Variants in VWA3B observed in about 807,000 individuals in gnomAD.
The protein encoded by VWA3B is von Willebrand factor A domain-containing protein 3B.
VWA3B carries 138 observed loss-of-function variants against 158.3 expected under a neutral mutation model. The observed-to-expected ratio is 0.87, with a 90% confidence interval of 0.76 to 1.00. The LOEUF is 1.00. VWA3B is among the 50% of genes least tolerant of loss of function. VWA3B has a pLI of 0.00. For missense variants in VWA3B, 1,555 were observed against 1,565.1 expected, an observed-to-expected ratio of 0.99 and a Z score of 0.11; for synonymous variants, 596 against 587.3, an observed-to-expected ratio of 1.01 and a Z score of -0.21.
intron 9 of VWA3B, among the ~76,000 whole-genome samples, chr2:98,181,971 T>A (rs367609771): frequency 9.2e-5 from 14 of 152,182 alleles, no homozygotes; most frequent in African/African-American, 3.4e-4. Context: ...TTTAGAAGCA[T>A]GGAAAGACTA....
intron 8 of VWA3B, among the ~76,000 whole-genome samples, chr2:98,168,952 A>G (rs1434294633): frequency 6.6e-6 from 1 of 152,246 alleles, no homozygotes; most frequent in Non-Finnish European, 1.5e-5. Flanking sequence ...CAAGTTTCCA[A>G]ATTTGATGAA....
Position 98,162,924 on chromosome 2 carries a change from C to T in VWA3B, c.1062C>T (p.Ile354=), listed in dbSNP as rs377735812. The change falls in exon 8 of 28, where the codon ATC becomes ATT. Residue 354 remains isoleucine (I), a synonymous_variant. Coordinates refer to ENST00000477737, the MANE Select transcript of VWA3B (RefSeq NM_144992.5). ...AAGCCTGCAGCACGCTGGCCCAGATCCAGAGGCTGGTGGCCGAGCCTCCCA... is the reference window on the plus strand; with the variant it reads ...AAGCCTGCAGCACGCTGGCCCAGATTCAGAGGCTGGTGGCCGAGCCTCCCA... ...MEEACSTLAQ[I]QRLVAEPPKP... is the part of the protein sequence containing the mutation. 76 of 1,613,982 alleles carry T rather than the reference C, an allele frequency of 4.7e-5. No homozygotes were observed. Among genetic ancestry groups the T allele is most frequent in the Non-Finnish European group, 6.2e-5 (73 of 1,180,062 alleles).
chr2:98,237,250 C>T (rs1008408404), intron 19 of VWA3B, among the ~76,000 whole-genome samples: 3 of 152,132 alleles, frequency 2.0e-5, no homozygotes, highest in Admixed American at 6.5e-5. Flanking sequence ...CTTCGTGGTT[C>T]GTTGCTAACG....
In VWA3B at chr2:98,121,466, C is replaced by G. The variant is rs200973481; in HGVS notation, c.702+8C>G. ...GCCGGGAGAGACAAGACTGTAAGTG[C>G]GTGTTCATGGCTGGCCCCAGGCCAT... On this transcript the variant is annotated splice_region_variant and intron_variant, in intron 5 of 27. Coordinates refer to ENST00000477737, the MANE Select transcript of VWA3B (RefSeq NM_144992.5). 1 of 1,611,682 alleles carries G rather than the reference C, an allele frequency of 6.2e-7. No homozygotes were observed. The highest frequency in any genetic ancestry group is 1.1e-5 in the South Asian group (1 of 91,044).
At chr2:98,221,054 G>C (rs1684457160) in intron 14 of VWA3B, among the ~76,000 whole-genome samples, 1 of 151,928 alleles carries the variant, frequency 6.6e-6, no homozygotes. Flanking sequence ...GTTGATAGGT[G>C]CTGCAAACCA....
intron 3 of VWA3B, among the ~76,000 whole-genome samples, 177 bp from the exon 4 acceptor site, chr2:98,119,336 G>T (rs1251464901): frequency 6.6e-6 from 1 of 151,698 alleles, no homozygotes; most frequent in Non-Finnish European, 1.5e-5. Flanking sequence ...CTTTTCTTCT[G>T]TGGAGAATCC....
Position 98,311,971 on chromosome 2 carries a change from A to T in VWA3B, c.3674A>T (p.Asp1225Val). 2 of 1,604,744 alleles carry T rather than the reference A, an allele frequency of 1.2e-6. No homozygotes were observed. Among genetic ancestry groups the T allele is most frequent in the African/African-American group, 1.3e-5 (1 of 74,794 alleles). The change falls in exon 27 of 28, where the codon GAC (aspartate) becomes GTC (valine). Residue 1225 changes from aspartate (D) to valine (V), a missense_variant. Asp to Val is a radical substitution (Grantham distance 152). Transcript: ENST00000477737. ...CAGCAGGCGGCGCCCTCGGACTCGG[A>T]CGGCTCCTCCCACGGCATCAGCTCC... ...PLQQAAPSDS[D>V]GSSHGISSHG...
chr2:98,154,303 G>A (rs1328895147), intron 7 of VWA3B, among the ~76,000 whole-genome samples: 1 of 152,194 alleles, frequency 6.6e-6, no homozygotes, highest in Non-Finnish European at 1.5e-5. Flanking sequence ...CCAGTCGGCG[G>A]GGAGCCCCAG....
intron 13 of VWA3B, chr2:98,216,980 G>GCACC (rs1553417697): frequency 8.0e-6 from 8 of 994,982 alleles, no homozygotes; most frequent in East Asian, 8.3e-5. Context: ...ATCATTGTAA[G>GCACC]CACCCGCCCC....
chr2:98,107,235 C>T (rs1018421311), intron 2 of VWA3B, among the ~76,000 whole-genome samples: 6 of 151,914 alleles, frequency 3.9e-5, no homozygotes, highest in African/African-American at 1.5e-4. Context: ...ATTCAATTTG[C>T]TAATGTTGTG....
chr2:98,149,369 C>T (rs1677430569), intron 7 of VWA3B, among the ~76,000 whole-genome samples: 1 of 152,178 alleles, frequency 6.6e-6, no homozygotes, highest in African/African-American at 2.4e-5. Flanking sequence ...GTACCCTCCA[C>T]AGGATGTGAG....
chr2:98,143,752 C>CTTTTTTTTTTT (rs534351736), intron 7 of VWA3B, among the ~76,000 whole-genome samples: 5 of 130,934 alleles, frequency 3.8e-5, no homozygotes, highest in Non-Finnish European at 6.5e-5. Context: ...CTTTTCTTTT[C>CTTTTTTTTTTT]TTTTTTTTTT....
the VWA3B span, among the ~76,000 whole-genome samples, chr2:98,319,963 T>G: frequency 3.3e-5 from 5 of 151,952 alleles, no homozygotes; most frequent in African/African-American, 1.2e-4. Flanking sequence ...AATGTGCCAA[T>G]ATGAAGTAAT....
At chr2:98,302,684 C>T (rs987564632) in intron 25 of VWA3B, among the ~76,000 whole-genome samples, 1 of 152,132 alleles carries the variant, frequency 6.6e-6, no homozygotes. Flanking sequence ...GAGGTTAAAG[C>T]ACACACCTGG....
At chr2:98,318,338 A>C in the VWA3B span, among the ~76,000 whole-genome samples, 2 of 152,238 alleles carry the variant, frequency 1.3e-5, no homozygotes, top group African/African-American at 4.8e-5. Context: ...CATCAATGAT[A>C]GACTGGATAA....
Position 98,224,703 on chromosome 2 carries a change from A to G in VWA3B, c.2020-3499A>G, listed in dbSNP as rs571417098. ...CTAACATGTCAATAATACTTTTTAAATTAATGGTCTAATCACACCAATCAA... is the reference window on the plus strand; with the variant it reads ...CTAACATGTCAATAATACTTTTTAAGTTAATGGTCTAATCACACCAATCAA... On this transcript the variant is annotated intron_variant, in intron 14 of 27. Coordinates refer to ENST00000477737, the MANE Select transcript of VWA3B (RefSeq NM_144992.5). Among the ~76,000 whole-genome samples the G allele has an allele frequency of 3.3e-5, 5 of 152,192 alleles. No individual in the cohort carries two copies. The South Asian group carries it at 6.2e-4, about 19-fold the overall frequency.
At chr2:98,246,730 T>C (rs940872372) in intron 19 of VWA3B, among the ~76,000 whole-genome samples, 4 of 152,098 alleles carry the variant, frequency 2.6e-5, no homozygotes, top group Non-Finnish European at 5.9e-5. Flanking sequence ...TCCTACAGGT[T>C]TAAAACTTTA....
intron 21 of VWA3B, among the ~76,000 whole-genome samples, chr2:98,268,710 T>A (rs1020007438): frequency 1.3e-4 from 19 of 151,978 alleles, no homozygotes; most frequent in African/African-American, 4.6e-4. Flanking sequence ...AATTAGTATA[T>A]TAAGGAGACT....
At chr2:98,237,794 C>G (rs563557131) in intron 19 of VWA3B, among the ~76,000 whole-genome samples, 157 of 152,314 alleles carry the variant, frequency 1.0e-3, no homozygotes, top group African/African-American at 3.4e-3. Flanking sequence ...AGACCTGTCT[C>G]ATGCTGAAAT....
Sources: gnomAD v4.1 joint callset for allele counts (sites outside exome capture counted in the v4.1 genomes callset) on GRCh38, gnomAD v4.1.1 for gene constraint, MANE v1.5 for transcripts, NCBI Gene and HGNC (gene_info 2026-07-23, HGNC 2026-07-21) for gene names.